Variants in SHISA6 observed in about 807,000 individuals in gnomAD.
The protein encoded by SHISA6 is shisa family member 6.
In SHISA6, 22 loss-of-function variants were observed where a neutral mutation model predicts 47.9. That is an observed-to-expected ratio of 0.46 (90% CI 0.33 to 0.66). SHISA6 has a LOEUF of 0.66. Among genes scored for constraint, SHISA6 ranks in the 30% least tolerant of loss-of-function variants. The pLI is 0.02. For synonymous variants in SHISA6, 388 were observed against 337.8 expected, an observed-to-expected ratio of 1.15 and a Z score of -1.63; for missense variants, 680 against 764.6, an observed-to-expected ratio of 0.89 and a Z score of 1.30.
intron 2 of SHISA6, among the ~76,000 whole-genome samples, chr17:11,324,855 A>G (rs1910824066): frequency 2.6e-5 from 4 of 152,174 alleles, no homozygotes. Context: ...AGCGGTGATC[A>G]AAGATACTCA....
chr17:11,287,040 A>G (rs1446307106), intron 2 of SHISA6, among the ~76,000 whole-genome samples: 26 of 152,154 alleles, frequency 1.7e-4, no homozygotes. Context: ...TTTTACTTTA[A>G]CAATTTTTAT....
At chr17:11,358,649 G>T (rs1217110224) in intron 2 of SHISA6, among the ~76,000 whole-genome samples, 16 of 144,346 alleles carry the variant, frequency 1.1e-4, no homozygotes, top group Non-Finnish European at 2.1e-4. Context: ...GTGAGCCACC[G>T]CACCTGGCCA....
chr17:11,401,557 G>C (rs79979517), intron 3 of SHISA6, among the ~76,000 whole-genome samples: 1 of 152,074 alleles, frequency 6.6e-6, no homozygotes, highest in Non-Finnish European at 1.5e-5. Context: ...GAGAGAGTTC[G>C]GAAGAAGTCA....
intron 2 of SHISA6, among the ~76,000 whole-genome samples, chr17:11,274,867 G>A (rs145652506): frequency 1.9e-3 from 292 of 152,302 alleles, no homozygotes; most frequent in African/African-American, 6.6e-3. Context: ...TGTGGTCGGA[G>A]TGATCATCAC....
chr17:11,256,125 A>C (rs2142140698), intron 1 of SHISA6, among the ~76,000 whole-genome samples: 1 of 152,310 alleles, frequency 6.6e-6, no homozygotes, highest in East Asian at 1.9e-4. Flanking sequence ...TGAGAATCTC[A>C]GTGTGTGGCC....
intron 3 of SHISA6, among the ~76,000 whole-genome samples, chr17:11,408,512 C>T (rs1200041541): frequency 6.6e-6 from 1 of 152,170 alleles, no homozygotes; most frequent in African/African-American, 2.4e-5. Flanking sequence ...TAATATATGA[C>T]CGTACCAAAA....
At chr17:11,524,217 C>T (rs893840429) in intron 3 of SHISA6, among the ~76,000 whole-genome samples, 40 of 152,240 alleles carry the variant, frequency 2.6e-4, no homozygotes, top group African/African-American at 9.6e-4. Flanking sequence ...CACCCCACTT[C>T]TTCAGTTATG....
intron 3 of SHISA6, among the ~76,000 whole-genome samples, chr17:11,428,048 T>C (rs1914651721): frequency 1.3e-5 from 2 of 152,200 alleles, no homozygotes; most frequent in South Asian, 4.1e-4. Context: ...AGCTGACATC[T>C]ATTAAGCACT....
intron 3 of SHISA6, among the ~76,000 whole-genome samples, chr17:11,391,460 AAGAAC>A (rs773961575): frequency 5.9e-5 from 9 of 152,188 alleles, no homozygotes; most frequent in Non-Finnish European, 1.2e-4. Flanking sequence ...TTCTGCCTTT[AAGAAC>A]AGAACTAAGG....
intron 3 of SHISA6, among the ~76,000 whole-genome samples, chr17:11,539,969 C>T (rs555300252): frequency 1.3e-5 from 2 of 152,244 alleles, no homozygotes; most frequent in African/African-American, 2.4e-5. Flanking sequence ...TGCATATCCC[C>T]GCAGAGAAGA....
intron 2 of SHISA6, among the ~76,000 whole-genome samples, chr17:11,375,792 G>T (rs1036440370): frequency 6.6e-6 from 1 of 152,174 alleles, no homozygotes; most frequent in African/African-American, 2.4e-5. Context: ...CCTGAGCAGC[G>T]ACTGAGCTAA....
At chr17:11,425,752 C>T (rs532893004) in intron 3 of SHISA6, among the ~76,000 whole-genome samples, 23 of 152,142 alleles carry the variant, frequency 1.5e-4, no homozygotes, top group African/African-American at 5.3e-4. Context: ...TGGCTTTCTT[C>T]GCGGACATCA....
intron 2 of SHISA6, among the ~76,000 whole-genome samples, chr17:11,350,196 T>TTTTTTTTTC (rs1369301126): frequency 4.4e-4 from 62 of 139,980 alleles, no homozygotes; most frequent in African/African-American, 1.6e-3. Flanking sequence ...TTTTTTTTTT[T>TTTTTTTTTC]TGAGACGGAG....
intron 2 of SHISA6, 65 bp downstream of exon 2, chr17:11,263,591 C>T (rs1908321842): frequency 2.6e-6 from 4 of 1,531,340 alleles, no homozygotes; most frequent in Non-Finnish European, 3.5e-6. Context: ...GATGTTTCTG[C>T]TCTGGTGGGG....
intron 3 of SHISA6, among the ~76,000 whole-genome samples, chr17:11,385,373 T>C (rs1319268937): frequency 6.6e-6 from 1 of 151,516 alleles, no homozygotes; most frequent in Non-Finnish European, 1.5e-5. Flanking sequence ...GTCAGAAAGG[T>C]GCAGGGAATT....
chr17:11,412,017 A>T lies in SHISA6; in HGVS notation c.895+32508A>T, dbSNP rs147917598. Among the ~76,000 whole-genome samples, 689 of 152,314 alleles carry T rather than the reference A, an allele frequency of 4.5e-3. 1 individual carries two copies. The highest frequency in any genetic ancestry group is 9.1e-3 in the South Asian group (44 of 4,830). Reference sequence around the variant, plus strand: ...CCCAAGGATATTTGGGGAAGATAAGAAAAAGGTTGTCTCTGAAAAAAATAA... The same window carrying T: ...CCCAAGGATATTTGGGGAAGATAAGTAAAAGGTTGTCTCTGAAAAAAATAA... On this transcript the variant is annotated intron_variant, in intron 3 of 5. Coordinates refer to ENST00000441885, the MANE Select transcript of SHISA6 (RefSeq NM_207386.4).
intron 3 of SHISA6, among the ~76,000 whole-genome samples, chr17:11,455,174 A>G (rs911436631): frequency 4.6e-5 from 7 of 151,532 alleles, no homozygotes; most frequent in African/African-American, 1.7e-4. Flanking sequence ...GTCTCAAAAA[A>G]ACAAAACAAA....
intron 3 of SHISA6, among the ~76,000 whole-genome samples, chr17:11,449,653 CA>C: frequency 6.6e-6 from 1 of 152,220 alleles, no homozygotes; most frequent in East Asian, 1.9e-4. Context: ...GCCTACTGTA[CA>C]AAAGCACCAC....
intron 3 of SHISA6, among the ~76,000 whole-genome samples, chr17:11,534,047 AGCTCACCACAAC>A (rs1466602316): frequency 6.7e-6 from 1 of 150,258 alleles, no homozygotes; most frequent in Non-Finnish European, 1.5e-5. Context: ...GTGCAATCTC[AGCTCACCACAAC>A]CTCCTCTCCC....
Sources: gnomAD v4.1 joint callset for allele counts (sites outside exome capture counted in the v4.1 genomes callset) on GRCh38, gnomAD v4.1.1 for gene constraint, MANE v1.5 for transcripts, NCBI Gene and HGNC (gene_info 2026-07-23, HGNC 2026-07-21) for gene names.